Variants in CNTNAP2 observed in about 807,000 individuals in gnomAD.
CNTNAP2 encodes contactin associated protein 2.
In CNTNAP2, 98 loss-of-function variants were observed where a neutral mutation model predicts 155.2. The ratio of observed to expected loss-of-function variants is 0.63; its 90% CI spans 0.54 to 0.75. CNTNAP2 has a LOEUF of 0.75. Ranked by LOEUF, CNTNAP2 falls within the 30% of genes least tolerant of loss-of-function variation. The probability of loss-of-function intolerance (pLI) is 0.00; values close to 1 mark genes in which losing one functional copy is unlikely to be tolerated. For synonymous variants in CNTNAP2, 651 were observed against 631.2 expected, an observed-to-expected ratio of 1.03 and a Z score of -0.47; for missense variants, 1,727 against 1,688.1, an observed-to-expected ratio of 1.02 and a Z score of -0.40.
At chr7:148,172,173 C>A in intron 17 of CNTNAP2, 69 bp from the exon 18 acceptor site, 1 of 1,491,626 alleles carries the variant, frequency 6.7e-7, no homozygotes. Context: ...CACAGTTGTT[C>A]AAAATATGAA....
intron 13 of CNTNAP2, among the ~76,000 whole-genome samples, chr7:147,746,043 T>C (rs1420585296): frequency 6.6e-6 from 1 of 152,150 alleles, no homozygotes; most frequent in Non-Finnish European, 1.5e-5. Context: ...GGAAACAGAA[T>C]AAAAGCACAC....
At chr7:146,139,518 A>C (rs1380972012) in intron 1 of CNTNAP2, among the ~76,000 whole-genome samples, 3 of 152,174 alleles carry the variant, frequency 2.0e-5, no homozygotes, top group Admixed American at 6.6e-5. Context: ...TGTTTGTATT[A>C]GAAGATGTAG....
chr7:146,388,464 A>T (rs1795492653), intron 1 of CNTNAP2, among the ~76,000 whole-genome samples: 1 of 152,016 alleles, frequency 6.6e-6, no homozygotes, highest in Non-Finnish European at 1.5e-5. Flanking sequence ...GGTATATAGT[A>T]GGTGTATATA....
At chr7:147,718,673 T>C (rs924579757) in intron 13 of CNTNAP2, among the ~76,000 whole-genome samples, 1 of 152,164 alleles carries the variant, frequency 6.6e-6, no homozygotes, top group Non-Finnish European at 1.5e-5. Context: ...CTGGGTACCA[T>C]GTAAATGGAT....
intron 11 of CNTNAP2, among the ~76,000 whole-genome samples, chr7:147,529,218 T>A (rs561692782): frequency 6.6e-6 from 1 of 152,276 alleles, no homozygotes; most frequent in East Asian, 1.9e-4. Flanking sequence ...AGTGAGAAAG[T>A]CAGCTTTCTC....
intron 13 of CNTNAP2, among the ~76,000 whole-genome samples, chr7:147,882,906 A>G (rs1173967068): frequency 1.3e-5 from 2 of 152,218 alleles, no homozygotes; most frequent in Non-Finnish European, 2.9e-5. Flanking sequence ...ACAAATATAT[A>G]CAGAAATCTT....
Position 147,758,511 on chromosome 7 carries a change from G to A in CNTNAP2, c.2098+119205G>A, listed in dbSNP as rs80213671. On this transcript the variant is annotated intron_variant, in intron 13 of 23. Coordinates refer to ENST00000361727, the MANE Select transcript of CNTNAP2 (RefSeq NM_014141.6). Reference sequence around the variant, plus strand: ...GACAGTTGGGGTAGGGAGAGGTGACGTAGTAAGGATCCTTGACCTTGGTTT... The same window carrying A: ...GACAGTTGGGGTAGGGAGAGGTGACATAGTAAGGATCCTTGACCTTGGTTT... Among the ~76,000 whole-genome samples the A allele has an allele frequency of 6.1e-3, 930 of 152,246 alleles. 3 individuals carry two copies. The highest frequency in any genetic ancestry group is 0.021 in the African/African-American group (884 of 41,546).
intron 12 of CNTNAP2, among the ~76,000 whole-genome samples, chr7:147,615,886 T>C (rs954468961): frequency 6.6e-6 from 1 of 152,184 alleles, no homozygotes; most frequent in African/African-American, 2.4e-5. Context: ...ACTCTCTTTC[T>C]GTTGAAACTG....
intron 15 of CNTNAP2, among the ~76,000 whole-genome samples, chr7:148,083,698 T>C (rs1254336468): frequency 1.3e-5 from 2 of 152,194 alleles, no homozygotes; most frequent in Non-Finnish European, 2.9e-5. Context: ...GCTTGGCAGT[T>C]ATGTGACTTA....
intron 11 of CNTNAP2, among the ~76,000 whole-genome samples, chr7:147,520,077 T>A (rs1383532133): frequency 6.6e-6 from 1 of 152,126 alleles, no homozygotes; most frequent in South Asian, 2.1e-4. Flanking sequence ...AAATAATCTT[T>A]TAGAAAAAGT....
At chr7:147,472,606 G>A (rs952239850) in intron 10 of CNTNAP2, among the ~76,000 whole-genome samples, 3 of 152,160 alleles carry the variant, frequency 2.0e-5, no homozygotes, top group African/African-American at 7.2e-5. Context: ...GGAAGGGGCA[G>A]TCTAGTCAAG....
chr7:147,919,164 G>C (rs1800214266), intron 14 of CNTNAP2, among the ~76,000 whole-genome samples: 1 of 152,076 alleles, frequency 6.6e-6, no homozygotes, highest in African/African-American at 2.4e-5. Flanking sequence ...AAGAGACAAG[G>C]AAATTGACTC....
chr7:146,204,231 TG>T (rs1205920159), intron 1 of CNTNAP2, among the ~76,000 whole-genome samples: 1 of 152,108 alleles, frequency 6.6e-6, no homozygotes, highest in Admixed American at 6.6e-5. Context: ...GACTCTAAAT[TG>T]GAAATTAAAT....
chr7:148,068,940 T>G (rs1803322474), intron 15 of CNTNAP2, among the ~76,000 whole-genome samples: 2 of 152,200 alleles, frequency 1.3e-5, no homozygotes, highest in East Asian at 3.8e-4. Flanking sequence ...TGTCTGGTAT[T>G]CTGTTCTGAA....
chr7:147,031,554 G>T (rs981581080), intron 3 of CNTNAP2, among the ~76,000 whole-genome samples: 7 of 152,164 alleles, frequency 4.6e-5, no homozygotes, highest in Non-Finnish European at 5.9e-5. Context: ...CGATATGAGG[G>T]AATCTTAACA....
At chr7:146,386,945 C>T (rs185376377) in intron 1 of CNTNAP2, among the ~76,000 whole-genome samples, 12 of 152,202 alleles carry the variant, frequency 7.9e-5, no homozygotes, top group African/African-American at 2.4e-4. Flanking sequence ...GACTCAAGTT[C>T]TTGTTTGCTT....
At chr7:146,451,073 A>G (rs1796473140) in intron 1 of CNTNAP2, among the ~76,000 whole-genome samples, 1 of 151,972 alleles carries the variant, frequency 6.6e-6, no homozygotes, top group African/African-American at 2.4e-5. Context: ...CAGCCTCCCG[A>G]GTAGCTGGGA....
At chr7:148,155,373 C>G (rs1478804205) in intron 17 of CNTNAP2, among the ~76,000 whole-genome samples, 1 of 152,148 alleles carries the variant, frequency 6.6e-6, no homozygotes, top group Non-Finnish European at 1.5e-5. Context: ...CTCGCCTCCA[C>G]TTCAGCTAAG....
chr7:146,609,589 A>G (rs1157601034), intron 1 of CNTNAP2, among the ~76,000 whole-genome samples: 1 of 152,220 alleles, frequency 6.6e-6, no homozygotes, highest in Non-Finnish European at 1.5e-5. Context: ...AATTTTTATC[A>G]TATACCTAAA....
Sources: allele counts gnomAD v4.1 joint callset (sites outside exome capture counted in the v4.1 genomes callset), GRCh38; gene constraint gnomAD v4.1.1; transcripts MANE v1.5; gene names NCBI Gene and HGNC (gene_info 2026-07-23, HGNC 2026-07-21).